Variants in GATAD2A observed in about 807,000 individuals in gnomAD.
GATAD2A encodes the protein transcriptional repressor p66-alpha.
Under a neutral mutation model 68.5 loss-of-function variants are expected in GATAD2A, and 12 were observed. The ratio of observed to expected loss-of-function variants is 0.18; its 90% CI spans 0.11 to 0.28. The LOEUF (loss-of-function observed/expected upper bound fraction) is 0.28, where lower values mean the gene tolerates loss of function less well. GATAD2A is among the 10% of genes least tolerant of loss of function. The probability of loss-of-function intolerance (pLI) is 1.00; values close to 1 mark genes in which losing one functional copy is unlikely to be tolerated. For synonymous variants in GATAD2A, 410 were observed against 375.3 expected (o/e 1.09, Z -1.07); for missense variants, 755 against 868.5 (o/e 0.87, Z 1.64).
At chr19:19,484,535 T>TC (rs2059295970) in intron 2 of GATAD2A, among the ~76,000 whole-genome samples, 1 of 140,168 alleles carries the variant, frequency 7.1e-6, no homozygotes, top group Admixed American at 7.0e-5. Flanking sequence ...TTTTTTTCTT[T>TC]TTTTTTTTTT....
intron 1 of GATAD2A, among the ~76,000 whole-genome samples, chr19:19,394,435 G>C (rs1156419828): frequency 6.6e-6 from 1 of 151,300 alleles, no homozygotes; most frequent in Admixed American, 6.6e-5. Flanking sequence ...CCCTCTGCCC[G>C]GGCTTTCCTC....
chr19:19,500,653 G>A (rs1338045103), intron 8 of GATAD2A, among the ~76,000 whole-genome samples: 1 of 152,198 alleles, frequency 6.6e-6, no homozygotes, highest in Non-Finnish European at 1.5e-5. Flanking sequence ...GCCTATCCCG[G>A]GTGTGAGTCC....
intron 2 of GATAD2A, among the ~76,000 whole-genome samples, chr19:19,483,870 C>T (rs905189434): frequency 5.9e-5 from 9 of 151,320 alleles, no homozygotes; most frequent in African/African-American, 9.7e-5. Flanking sequence ...CCTCGTGATC[C>T]GCCCGCCTCG....
chr19:19,467,909 G>A (rs927219392), intron 2 of GATAD2A, among the ~76,000 whole-genome samples: 1 of 152,178 alleles, frequency 6.6e-6, no homozygotes, highest in African/African-American at 2.4e-5. Flanking sequence ...CTTTTACTCC[G>A]CTCCCTGTCG....
intron 1 of GATAD2A, among the ~76,000 whole-genome samples, chr19:19,425,872 C>T (rs2053022810): frequency 2.6e-5 from 4 of 152,022 alleles, no homozygotes; most frequent in Admixed American, 2.6e-4. Flanking sequence ...TCACTGCATC[C>T]TCCACCTCCT....
intron 1 of GATAD2A, among the ~76,000 whole-genome samples, chr19:19,454,514 G>T (rs1220295277): frequency 2.0e-5 from 3 of 151,778 alleles, no homozygotes; most frequent in Non-Finnish European, 4.4e-5. Context: ...TAGGAAGATC[G>T]CTTGAACCTG....
chr19:19,422,783 C>G (rs1298361744), intron 1 of GATAD2A, among the ~76,000 whole-genome samples: 10 of 150,914 alleles, frequency 6.6e-5, no homozygotes, highest in Non-Finnish European at 1.0e-4. Context: ...GCGATCTTGG[C>G]TCACTGCAAG....
Position 19,460,654 on chromosome 19 carries a change from A to C in GATAD2A, c.-6-4686A>C, listed in dbSNP as rs1393888554. Among the ~76,000 whole-genome samples, 7 of 151,982 alleles carry C rather than the reference A, an allele frequency of 4.6e-5. No homozygotes were observed. In the East Asian group the frequency reaches 1.4e-3, roughly 29 times the overall value. On this transcript the variant is annotated intron_variant, in intron 1 of 11. Coordinates refer to ENST00000683918, the MANE Select transcript of GATAD2A (RefSeq NM_001384528.1). ...TCCTTCCTCAAATCTGCTCCTCCCC[A>C]TCTCAGAAAAGCCAGCCCCACTGGT...
intron 1 of GATAD2A, among the ~76,000 whole-genome samples, chr19:19,392,854 G>A (rs567151764): frequency 4.6e-5 from 7 of 151,916 alleles, no homozygotes; most frequent in African/African-American, 1.7e-4. Flanking sequence ...GCACCACTGC[G>A]CTCAGCTGAT....
chr19:19,452,085 G>GTA (rs2056447708), intron 1 of GATAD2A, among the ~76,000 whole-genome samples: 1 of 152,266 alleles, frequency 6.6e-6, no homozygotes, highest in Non-Finnish European at 1.5e-5. Flanking sequence ...ATGAGTGTGA[G>GTA]TATATACGTG....
chr19:19,411,900 C>T (rs1013758870), intron 1 of GATAD2A, among the ~76,000 whole-genome samples: 4 of 152,158 alleles, frequency 2.6e-5, no homozygotes, highest in Admixed American at 2.0e-4. Context: ...GCTTGGTTTT[C>T]TTTATAACAG....
intron 1 of GATAD2A, among the ~76,000 whole-genome samples, chr19:19,414,769 A>G (rs2147165430): frequency 6.8e-6 from 1 of 147,372 alleles, no homozygotes; most frequent in South Asian, 2.1e-4. Context: ...TCCTGGCCTC[A>G]AGTGATTTGC....
intron 1 of GATAD2A, among the ~76,000 whole-genome samples, chr19:19,420,028 T>TTTTTTTA (rs2052166344): frequency 3.7e-5 from 5 of 134,204 alleles, no homozygotes; most frequent in African/African-American, 1.1e-4. Context: ...TTTTTTTTTT[T>TTTTTTTA]GAGACAGAGT....
chr19:19,411,682 T>C (rs2060276), intron 1 of GATAD2A, among the ~76,000 whole-genome samples: 1 of 152,042 alleles, frequency 6.6e-6, no homozygotes, highest in Admixed American at 6.6e-5. Flanking sequence ...AGCTTTCTCT[T>C]ATGTTGGCGG....
intron 1 of GATAD2A, among the ~76,000 whole-genome samples, chr19:19,414,836 C>CTTTTTT (rs1568713171): frequency 2.4e-5 from 3 of 127,384 alleles, no homozygotes; most frequent in Admixed American, 7.5e-5. Context: ...CACCCTGCCC[C>CTTTTTT]CTTTTTTTTT....
intron 1 of GATAD2A, among the ~76,000 whole-genome samples, chr19:19,437,519 C>T (rs781445152): frequency 2.1e-4 from 32 of 152,126 alleles, no homozygotes; most frequent in Non-Finnish European, 4.0e-4. Flanking sequence ...CCACAATTAC[C>T]ACCTTTATTT....
chr19:19,450,647 G>C (rs1398581424), intron 1 of GATAD2A, among the ~76,000 whole-genome samples: 1 of 151,672 alleles, frequency 6.6e-6, no homozygotes, highest in African/African-American at 2.4e-5. Context: ...AAGGTGCTGG[G>C]GGGTATGTGG....
At chr19:19,410,160 G>A (rs1337887351) in intron 1 of GATAD2A, among the ~76,000 whole-genome samples, 1 of 152,186 alleles carries the variant, frequency 6.6e-6, no homozygotes, top group Non-Finnish European at 1.5e-5. Context: ...GTTTGTCAGG[G>A]AACTTGCCTT....
chr19:19,415,971 C>CG (rs374477945), intron 1 of GATAD2A, among the ~76,000 whole-genome samples: 177 of 151,568 alleles, frequency 1.2e-3, no homozygotes, highest in African/African-American at 3.6e-3. Context: ...TTTTTTCCCC[C>CG]CCAAGAGACA....
Sources: allele counts gnomAD v4.1 joint callset (sites outside exome capture counted in the v4.1 genomes callset), GRCh38; gene constraint gnomAD v4.1.1; transcripts MANE v1.5; gene names NCBI Gene and HGNC (gene_info 2026-07-23, HGNC 2026-07-21).